Variants in TCF20 observed in about 807,000 individuals in gnomAD.
TCF20 encodes transcription factor 20.
TCF20 carries 3 observed loss-of-function variants against 148.6 expected under a neutral mutation model. The ratio of observed to expected loss-of-function variants is 0.02; its 90% confidence interval spans 0.01 to 0.05. The LOEUF is 0.05. TCF20 is among the 10% of genes least tolerant of loss of function. The pLI is 1.00. For synonymous variants in TCF20, 1,049 were observed against 909.5 expected, an observed-to-expected ratio of 1.15 and a Z score of -2.76; for missense variants, 2,350 against 2,429.3, an observed-to-expected ratio of 0.97 and a Z score of 0.69.
intron 2 of TCF20, among the ~76,000 whole-genome samples, chr22:42,199,416 G>A (rs774739118): frequency 7.9e-5 from 12 of 152,096 alleles, no homozygotes; most frequent in African/African-American, 2.2e-4. Flanking sequence ...ATAAAGGCAC[G>A]AGGCTGCATT....
At chr22:42,289,306 C>T (rs546171505) in intron 1 of TCF20, among the ~76,000 whole-genome samples, 5 of 152,246 alleles carry the variant, frequency 3.3e-5, no homozygotes, top group South Asian at 2.1e-4. Flanking sequence ...CACATCCCAC[C>T]GACACACTCT....
In TCF20 at chr22:42,337,841, C is replaced by T. The variant is rs1928092387; in HGVS notation, c.-37+5638G>A. 2.6e-5 allele frequency among the ~76,000 whole-genome samples: 4 copies of T among 152,246 alleles called. No homozygotes were observed. In the South Asian group the frequency reaches 6.2e-4, roughly 24 times the overall value. On this transcript the variant is annotated intron_variant, in intron 1 of 1. Coordinates refer to the TCF20 transcript ENST00000515426. ...TATCCGCAATCCTCCATCCTAAATGCAGCTGTGGAAGAGGGTGGCCGGTGG... is the reference window on the plus strand; with the variant it reads ...TATCCGCAATCCTCCATCCTAAATGTAGCTGTGGAAGAGGGTGGCCGGTGG...
Position 42,214,214 on chromosome 22 carries a change from G to C in TCF20, c.1092C>G (p.Phe364Leu), listed in dbSNP as rs767649188. The change falls in exon 2 of 6, where the codon TTC (phenylalanine) becomes TTG (leucine). Residue 364 changes from phenylalanine to leucine, a missense_variant. Phe to Leu is a conservative substitution (Grantham distance 22). This residue lies in a region of TCF20 where 1,641 missense variants were observed against 1,662.6 expected (regional missense o/e 0.99). Coordinates refer to ENST00000677622, the MANE Select transcript of TCF20 (RefSeq NM_001378418.1). The stretch of plus-strand genomic sequence containing the variant: ...CTGGAGAAGGGTTAGAAATGGGGCT[G>C]AAGTTCTGGTGAAACTGCATGGGGG... ...VRSPMQFHQN[F>L]SPISNPSPAA... 1 of 1,614,242 alleles carries C rather than the reference G, an allele frequency of 6.2e-7. No homozygotes were observed. Among genetic ancestry groups the C allele is most frequent in the Non-Finnish European group, 8.5e-7 (1 of 1,180,042 alleles).
intron 1 of TCF20, among the ~76,000 whole-genome samples, chr22:42,243,067 G>A (rs1037518471): frequency 3.3e-5 from 5 of 151,868 alleles, no homozygotes; most frequent in Non-Finnish European, 7.4e-5. Flanking sequence ...TGAATACGGA[G>A]AGAGTACAGG....
chr22:42,231,621 TTAAAG>T (rs1923408136), intron 1 of TCF20, among the ~76,000 whole-genome samples: 1 of 152,174 alleles, frequency 6.6e-6, no homozygotes, highest in South Asian at 2.1e-4. Flanking sequence ...TTTAAAGTTT[TTAAAG>T]TAAAAAAGTT....
At chr22:42,200,779 C>A (rs1026147839) in intron 2 of TCF20, among the ~76,000 whole-genome samples, 1 of 152,176 alleles carries the variant, frequency 6.6e-6, no homozygotes, top group Admixed American at 6.5e-5. Context: ...CACAGCCTCT[C>A]GAATGACCTG....
At chr22:42,215,382 T>C (rs781036942) in intron 1 of TCF20, 41 bp from the exon 2 acceptor site, 18 of 1,518,146 alleles carry the variant, frequency 1.2e-5, no homozygotes, top group Non-Finnish European at 1.6e-5. Flanking sequence ...ACGCATCTCC[T>C]TGGTACAAAT....
chr22:42,180,749 C>A (rs144468678), intron 2 of TCF20, among the ~76,000 whole-genome samples: 56 of 152,344 alleles, frequency 3.7e-4, no homozygotes, highest in African/African-American at 1.3e-3. Context: ...ATCCAGCCCT[C>A]TGCACTATTC....
chr22:42,285,292 T>C (rs1166040839), upstream of TCF20, among the ~76,000 whole-genome samples: 1 of 151,922 alleles, frequency 6.6e-6, no homozygotes, highest in East Asian at 1.9e-4. The surrounding 1 kb of genome is among the most constrained non-coding windows in gnomAD (Gnocchi z 4.2). Context: ...GTTATCTCAT[T>C]TCATCCTTCC....
At position 42,211,504 on chromosome 22, in the gene TCF20, T is replaced by G. The variant is rs1920963295; in HGVS notation, c.3802A>C (p.Arg1268=). Residue 1268 remains arginine (R), a synonymous_variant, in exon 2 of 6, where the codon AGA becomes CGA. Coordinates refer to ENST00000677622, the MANE Select transcript of TCF20 (RefSeq NM_001378418.1). ...RSFISPIPSK[R]QSQDVKNSST... ...CTGTTCTTTACATCTTGTGACTGTCTCTTACTGGGAATGGGAGAGATAAAA... is the reference window on the plus strand; with the variant it reads ...CTGTTCTTTACATCTTGTGACTGTCGCTTACTGGGAATGGGAGAGATAAAA... 6.2e-7 allele frequency: 1 copy of G among 1,614,074 alleles called. No homozygotes were observed. The highest frequency in any genetic ancestry group is 1.7e-5 in the Admixed American group (1 of 60,002).
At chr22:42,171,226 G>A (rs943564366) in intron 3 of TCF20, among the ~76,000 whole-genome samples, 34 of 152,208 alleles carry the variant, frequency 2.2e-4, no homozygotes, top group African/African-American at 7.5e-4. Flanking sequence ...GGTCACTGGT[G>A]CAAAACGCGG....
upstream of TCF20, among the ~76,000 whole-genome samples, chr22:42,271,854 C>A (rs1176069568): frequency 1.3e-5 from 2 of 152,190 alleles, no homozygotes; most frequent in African/African-American, 2.4e-5. Context: ...TGGTCTGGAA[C>A]CCAGATTTCC....
At chr22:42,335,794 C>T (rs1928056207) in intron 1 of TCF20, among the ~76,000 whole-genome samples, 2 of 152,100 alleles carry the variant, frequency 1.3e-5, no homozygotes, top group Non-Finnish European at 2.9e-5. Flanking sequence ...TGACAGGGAG[C>T]CCTTCAGGGT....
intron 2 of TCF20, among the ~76,000 whole-genome samples, chr22:42,188,318 A>AAAAAAAAAAAAAC (rs1937152999): frequency 2.0e-5 from 3 of 148,968 alleles, no homozygotes; most frequent in Non-Finnish European, 1.5e-5. Flanking sequence ...AAAAAAAAAA[A>AAAAAAAAAAAAAC]AATCCAGATT....
chr22:42,325,184 C>G (rs544746479), intron 1 of TCF20, among the ~76,000 whole-genome samples: 1 of 152,268 alleles, frequency 6.6e-6, no homozygotes, highest in Non-Finnish European at 1.5e-5. Flanking sequence ...GGCCTCCTCC[C>G]GACTGGGCAC....
At chr22:42,221,363 CT>C (rs1922341337) in intron 1 of TCF20, among the ~76,000 whole-genome samples, 1 of 152,194 alleles carries the variant, frequency 6.6e-6, no homozygotes, top group South Asian at 2.1e-4. Context: ...GACAACTTCT[CT>C]TTTCCTGAAT....
At chr22:42,276,867 C>T (rs1168489277) in intron 1 of TCF20, 1 of 152,202 alleles carries the variant, frequency 6.6e-6, no homozygotes, top group Non-Finnish European at 1.5e-5. Context: ...AATTCTCCAA[C>T]TCTTAACTGG....
chr22:42,326,157 CA>C (rs1255367333), intron 1 of TCF20, among the ~76,000 whole-genome samples: 4 of 152,078 alleles, frequency 2.6e-5, no homozygotes, highest in Non-Finnish European at 5.9e-5. Flanking sequence ...AACCACTGAC[CA>C]GTCAACGCAG....
chr22:42,324,006 G>A (rs866229482), intron 1 of TCF20, among the ~76,000 whole-genome samples: 126 of 69,220 alleles, frequency 1.8e-3, no homozygotes, highest in South Asian at 2.9e-3. Flanking sequence ...AGGTGGTGGC[G>A]GAGGTTATGG....
Sources: gnomAD v4.1 joint callset for allele counts (sites outside exome capture counted in the v4.1 genomes callset) on GRCh38, gnomAD v4.1.1 for gene constraint, gnomAD v4.1.1 regional missense constraint, Gnocchi (gnomAD v3.1) non-coding constraint, MANE v1.5 for transcripts, NCBI Gene and HGNC (gene_info 2026-07-23, HGNC 2026-07-21) for gene names.